Variants in C14orf39 observed in about 807,000 individuals in gnomAD.
C14orf39 encodes chromosome 14 open reading frame 39.
Under a neutral mutation model 85.6 loss-of-function variants are expected in C14orf39, and 66 were observed. The ratio of observed to expected loss-of-function variants is 0.77; its 90% CI spans 0.63 to 0.95. C14orf39 has a LOEUF of 0.95. Among genes scored for constraint, C14orf39 ranks in the 40% least tolerant of loss-of-function variants. C14orf39 has a pLI of 0.00. For synonymous variants in C14orf39, 242 were observed against 214.0 expected, an observed-to-expected ratio of 1.13 and a Z score of -1.14; for missense variants, 735 against 663.9, an observed-to-expected ratio of 1.11 and a Z score of -1.18.
intron 11 of C14orf39, among the ~76,000 whole-genome samples, 181 bp from the exon 12 acceptor site, chr14:60,461,774 G>C (rs963544696): frequency 6.6e-6 from 1 of 151,982 alleles, no homozygotes; most frequent in Non-Finnish European, 1.5e-5. Flanking sequence ...ACATTAAGTT[G>C]AATATTGAGA....
intron 1 of C14orf39, among the ~76,000 whole-genome samples, chr14:60,500,036 T>C (rs999890352): frequency 7.2e-5 from 11 of 152,166 alleles, no homozygotes; most frequent in African/African-American, 2.4e-4. Context: ...TTTTATTTTT[T>C]ATTTTTTTGA....
At position 60,455,066 on chromosome 14, in the gene C14orf39, A is replaced by C. The variant is rs1356796966; in HGVS notation, c.1438T>G (p.Ser480Ala). The change falls in exon 16 of 18, where the codon TCT (serine) becomes GCT (alanine). Residue 480 changes from serine to alanine, a missense_variant. Transcript: ENST00000321731. ...PGLSFLMSYT[S>A]RSPGLNLFDS... Reference sequence around the variant, plus strand: ...AATAAATTCAATCCAGGTGATCTAGAAGTATAACTCATAAGAAAAGAAAGT... The same window carrying C: ...AATAAATTCAATCCAGGTGATCTAGCAGTATAACTCATAAGAAAAGAAAGT... The C allele has an allele frequency of 1.3e-6, 2 of 1,580,416 alleles. No homozygotes were observed. Among genetic ancestry groups the C allele is most frequent in the Non-Finnish European group, 1.7e-6 (2 of 1,166,950 alleles).
rs1356353500 is a variant in C14orf39 at position 60,466,954 on chromosome 14, T to A, written c.858A>T (p.Arg286Ser). 6.8e-7 allele frequency: 1 copy of A among 1,475,038 alleles called. No homozygotes were observed. Among genetic ancestry groups the A allele is most frequent in the African/African-American group, 1.5e-5 (1 of 68,646 alleles). 91.4% of individuals were successfully genotyped at this position (1,475,038 alleles called of 1,614,324 possible). A position where few individuals can be genotyped will look rare whatever the true frequency, so the allele number is the denominator to read the frequency against. ...FLPYESQKLV[R>S]PIKMHSSEPR... Reference sequence around the variant, plus strand: ...GTTCTGAAGAATGCATCTTTATTGGTCTTACTAATTTCTGAGATTCATAAG... The same window carrying A: ...GTTCTGAAGAATGCATCTTTATTGGACTTACTAATTTCTGAGATTCATAAG... Residue 286 changes from arginine to serine, a missense_variant, in exon 10 of 18, where the codon AGA becomes AGT. Arg to Ser is a moderately radical substitution (Grantham distance 110, BLOSUM62 -1). Coordinates refer to ENST00000321731, the MANE Select transcript of C14orf39 (RefSeq NM_174978.3).
At chr14:60,511,310 T>C (rs1221110532) in intron 1 of C14orf39, 1 of 1,569,710 alleles carries the variant, frequency 6.4e-7, no homozygotes, top group Non-Finnish European at 8.8e-7. Flanking sequence ...AAAAACAAAA[T>C]GAAAGAGGGG....
At chr14:60,446,743 C>G (rs1378998912) in intron 16 of C14orf39, among the ~76,000 whole-genome samples, 2 of 152,032 alleles carry the variant, frequency 1.3e-5, no homozygotes, top group Admixed American at 6.5e-5. Context: ...AGAGACACAA[C>G]AAAAAAAGAG....
Position 60,436,924 on chromosome 14 carries a change from C to T in C14orf39, c.1685G>A (p.Gly562Asp). 2 of 1,612,506 alleles carry T rather than the reference C, an allele frequency of 1.2e-6. No individual in the cohort carries two copies. Among genetic ancestry groups the T allele is most frequent in the Non-Finnish European group, 1.7e-6 (2 of 1,178,978 alleles). The stretch of plus-strand genomic sequence containing the variant: ...AGAAGAAGAAGGTATTGAATTTTGA[C>T]CCTGTCCAAATGAAAATGGAAAACT... Reference protein sequence around the residue: ...DFSFPFSFGQGQNSIPSSSLK... With the variant: ...DFSFPFSFGQDQNSIPSSSLK... The change falls in exon 18 of 18, where the codon GGT becomes GAT. Residue 562 changes from glycine (G) to aspartate (D), a missense_variant. Gly to Asp is a moderately conservative substitution (Grantham distance 94). Transcript: ENST00000321731.
At chr14:60,503,172 A>C (rs1893166787) in intron 1 of C14orf39, among the ~76,000 whole-genome samples, 1 of 152,150 alleles carries the variant, frequency 6.6e-6, no homozygotes. Flanking sequence ...CAGTGTGCTG[A>C]CTCAGAGAAG....
chr14:60,469,929 GTTTTTTTTTT>G (rs373485742), intron 7 of C14orf39, among the ~76,000 whole-genome samples: 1 of 108,250 alleles, frequency 9.2e-6, no homozygotes, highest in Non-Finnish European at 1.8e-5. Flanking sequence ...TCACAGGGTA[GTTTTTTTTTT>G]TTTTTTTTTG....
chr14:60,465,133 T>C (rs767528005), intron 11 of C14orf39, among the ~76,000 whole-genome samples: 10 of 152,166 alleles, frequency 6.6e-5, no homozygotes, highest in Non-Finnish European at 1.0e-4. Context: ...TGGTAAACTT[T>C]TATTTTTCTC....
chr14:60,471,499 C>T (rs751915109), intron 6 of C14orf39, 40 bp from the exon 7 acceptor site: 9 of 1,574,108 alleles, frequency 5.7e-6, no homozygotes, highest in Non-Finnish European at 7.7e-6. Context: ...TTATTATATT[C>T]TTTTCATTAC....
chr14:60,456,802 A>T, intron 15 of C14orf39, 115 bp downstream of exon 15: 1 of 868,714 alleles, frequency 1.2e-6, no homozygotes, highest in Non-Finnish European at 1.7e-6. Context: ...TGCATGTCTG[A>T]AATACTACAT....
At chr14:60,451,460 T>C (rs375422538) in intron 16 of C14orf39, among the ~76,000 whole-genome samples, 1 of 152,072 alleles carries the variant, frequency 6.6e-6, no homozygotes, top group Non-Finnish European at 1.5e-5. Flanking sequence ...AATTATAGAC[T>C]GAATTAAGAA....
At chr14:60,437,298 A>T (rs1265937212) in intron 17 of C14orf39, among the ~76,000 whole-genome samples, 1 of 151,996 alleles carries the variant, frequency 6.6e-6, no homozygotes, top group Non-Finnish European at 1.5e-5. Flanking sequence ...AACTAGTATA[A>T]AAAGTAAAAA....
At chr14:60,512,783 C>G (rs932715838) in intron 1 of C14orf39, 4 of 152,166 alleles carry the variant, frequency 2.6e-5, no homozygotes, top group Non-Finnish European at 1.5e-5. Flanking sequence ...TAAATGCTAG[C>G]CAGAGTCTCT....
At chr14:60,443,315 G>A (rs896302856) in intron 16 of C14orf39, among the ~76,000 whole-genome samples, 2 of 152,134 alleles carry the variant, frequency 1.3e-5, no homozygotes, top group Admixed American at 6.5e-5. Flanking sequence ...GTACACTCCC[G>A]CCCAAATACT....
At position 60,483,827 on chromosome 14, in the gene C14orf39, G is replaced by C. The variant is rs1892757066; in HGVS notation, c.107-10C>G. 6.1e-6 allele frequency: 9 copies of C among 1,470,824 alleles called. No homozygotes were observed. Among genetic ancestry groups the C allele is most frequent in the Non-Finnish European group, 6.5e-6 (7 of 1,072,260 alleles). The allele number at this position is 1,470,824 out of a possible 1,614,324, so 91.1% of individuals were successfully genotyped here. ...ATATCTTCACAGCATTCTACAAAGA[G>C]AAAATGTTTATTTTCTTAATGTAGA... On this transcript the variant is annotated splice_polypyrimidine_tract_variant and intron_variant, in intron 3 of 17. Transcript: ENST00000321731.
At chr14:60,459,164 T>C (rs1891409678) in intron 13 of C14orf39, among the ~76,000 whole-genome samples, 1 of 151,740 alleles carries the variant, frequency 6.6e-6, no homozygotes. Flanking sequence ...TATGTTTTGG[T>C]TTTTGTTTTG....
chr14:60,441,588 A>G (rs1368693216), intron 17 of C14orf39, among the ~76,000 whole-genome samples: 1 of 152,216 alleles, frequency 6.6e-6, no homozygotes, highest in African/African-American at 2.4e-5. Context: ...AACATAAACC[A>G]TATGAGAATT....
chr14:60,498,799 T>C (rs1893102177), intron 2 of C14orf39, among the ~76,000 whole-genome samples: 1 of 152,322 alleles, frequency 6.6e-6, no homozygotes, highest in Non-Finnish European at 1.5e-5. Flanking sequence ...AACTGGAACA[T>C]TCAACATTGC....
Sources: allele counts gnomAD v4.1 joint callset (sites outside exome capture counted in the v4.1 genomes callset), GRCh38; gene constraint gnomAD v4.1.1; transcripts MANE v1.5; gene names NCBI Gene and HGNC (gene_info 2026-07-23, HGNC 2026-07-21).